NRXN3: variants seen among roughly 807,000 people sequenced by gnomAD.
NRXN3 encodes neurexin III.
Under a neutral mutation model 137.6 loss-of-function variants are expected in NRXN3, and 32 were observed. That is an observed-to-expected ratio of 0.23 (90% CI 0.18 to 0.31). The LOEUF (loss-of-function observed/expected upper bound fraction) is 0.31. Among genes scored for constraint, NRXN3 ranks in the 10% least tolerant of loss-of-function variants. The pLI, the probability that NRXN3 is intolerant of heterozygous loss-of-function variation, is 1.00. For synonymous variants in NRXN3, 798 were observed against 784.5 expected, an observed-to-expected ratio of 1.02 and a Z score of -0.29; for missense variants, 1,574 against 2,062.5, an observed-to-expected ratio of 0.76 and a Z score of 4.59.
At chr14:79,790,774 C>T (rs1005871839) in intron 19 of NRXN3, among the ~76,000 whole-genome samples, 9 of 151,998 alleles carry the variant, frequency 5.9e-5, no homozygotes, top group Admixed American at 3.3e-4. Context: ...ATGCATGCCA[C>T]CACACCTGGC....
At chr14:79,605,834 A>G (rs1337360355) in intron 16 of NRXN3, among the ~76,000 whole-genome samples, 1 of 152,192 alleles carries the variant, frequency 6.6e-6, no homozygotes, top group Non-Finnish European at 1.5e-5. Context: ...CACCCTGCGT[A>G]TGCCAAGACT....
At chr14:78,913,246 T>TTTTCTTTCTTTCTTTC (rs1277509308) in intron 10 of NRXN3, among the ~76,000 whole-genome samples, 4 of 112,978 alleles carry the variant, frequency 3.5e-5, no homozygotes, top group African/African-American at 1.7e-4. Context: ...TTTTCCTTTC[T>TTTTCTTTCTTTCTTTC]TTTCTTTCTT....
chr14:79,193,774 G>A (rs2064752584), intron 15 of NRXN3, among the ~76,000 whole-genome samples: 1 of 152,172 alleles, frequency 6.6e-6, no homozygotes, highest in Non-Finnish European at 1.5e-5. Context: ...AGAGGAATGA[G>A]ATCTCCTACA....
chr14:78,495,460 A>G (rs1209110532), intron 4 of NRXN3, among the ~76,000 whole-genome samples: 4 of 152,304 alleles, frequency 2.6e-5, no homozygotes, highest in African/African-American at 9.6e-5. Flanking sequence ...GAATTGAGGT[A>G]GCATTGGTTG....
In NRXN3 at chr14:79,507,169, C is replaced by T. The variant is rs898238681; in HGVS notation, c.3444+39767C>T. 2.0e-5 allele frequency among the ~76,000 whole-genome samples: 3 copies of T among 152,078 alleles called. No individual in the cohort carries two copies. In the South Asian group the frequency reaches 6.2e-4, roughly 32 times the overall value. ...TTCCTATAGTCCTGGACTTTTAACA[C>T]GGAAGCTAACTTGGAAGGAAAAATG... On this transcript the variant is annotated intron_variant, in intron 16 of 20. Coordinates refer to ENST00000335750, the MANE Select transcript of NRXN3 (RefSeq NM_001330195.2).
chr14:79,775,389 T>C (rs2099093471), intron 19 of NRXN3, among the ~76,000 whole-genome samples: 1 of 152,084 alleles, frequency 6.6e-6, no homozygotes, highest in Admixed American at 6.6e-5. Flanking sequence ...TAGGCATTAC[T>C]GTTCGCAGTC....
chr14:78,458,170 T>C (rs551506094), intron 4 of NRXN3, among the ~76,000 whole-genome samples: 1 of 152,302 alleles, frequency 6.6e-6, no homozygotes, highest in Admixed American at 6.5e-5. Context: ...CAAATCTGCC[T>C]TCTGACCTAG....
intron 16 of NRXN3, among the ~76,000 whole-genome samples, chr14:79,522,187 A>C (rs2153704166): frequency 6.6e-6 from 1 of 152,282 alleles, no homozygotes; most frequent in Middle Eastern, 3.4e-3. Context: ...ACAGGGGAAA[A>C]GGTAGACACA....
At chr14:78,738,507 G>A (rs1312921082) in intron 8 of NRXN3, among the ~76,000 whole-genome samples, 1 of 152,134 alleles carries the variant, frequency 6.6e-6, no homozygotes, top group Non-Finnish European at 1.5e-5. Context: ...GCTCCCATCT[G>A]TGTGTTGCTG....
intron 10 of NRXN3, among the ~76,000 whole-genome samples, chr14:78,931,630 A>G (rs1378122501): frequency 6.6e-6 from 1 of 152,186 alleles, no homozygotes; most frequent in Non-Finnish European, 1.5e-5. Flanking sequence ...TAAAAGGGCA[A>G]AAGTATAACT....
chr14:79,277,484 C>A (rs771587815), intron 15 of NRXN3, among the ~76,000 whole-genome samples: 8 of 152,122 alleles, frequency 5.3e-5, no homozygotes, highest in African/African-American at 1.9e-4. Flanking sequence ...TAGCATAAGA[C>A]CCTAACCATG....
intron 15 of NRXN3, among the ~76,000 whole-genome samples, chr14:79,237,696 A>G (rs1176636506): frequency 2.6e-5 from 4 of 152,132 alleles, no homozygotes; most frequent in Non-Finnish European, 5.9e-5. Flanking sequence ...AAGAGATACA[A>G]CTCATCCACC....
At chr14:79,750,801 C>T (rs2154089480) in intron 19 of NRXN3, among the ~76,000 whole-genome samples, 1 of 152,236 alleles carries the variant, frequency 6.6e-6, no homozygotes, top group Non-Finnish European at 1.5e-5. Flanking sequence ...GTCATTGATA[C>T]TATTTTCTAC....
intron 4 of NRXN3, among the ~76,000 whole-genome samples, chr14:78,380,887 A>G (rs993833705): frequency 6.6e-6 from 1 of 152,070 alleles, no homozygotes; most frequent in Admixed American, 6.5e-5. Flanking sequence ...GCCATGGGAG[A>G]AATGAGACTA....
At chr14:78,335,757 G>A (rs1213878743) in intron 4 of NRXN3, among the ~76,000 whole-genome samples, 1 of 152,064 alleles carries the variant, frequency 6.6e-6, no homozygotes, top group African/African-American at 2.4e-5. Flanking sequence ...TGACAAAAAT[G>A]ACTTCAGAGA....
At chr14:78,425,624 A>G (rs1312675779) in intron 4 of NRXN3, among the ~76,000 whole-genome samples, 3 of 152,160 alleles carry the variant, frequency 2.0e-5, no homozygotes, top group African/African-American at 7.2e-5. Flanking sequence ...GGAGAGTGCT[A>G]GAAACGTTCT....
chr14:79,155,781 G>A (rs537305113), intron 15 of NRXN3, among the ~76,000 whole-genome samples: 1 of 151,776 alleles, frequency 6.6e-6, no homozygotes, highest in South Asian at 2.1e-4. Context: ...AGGAAATAAA[G>A]AGCAAAAGAA....
chr14:79,589,782 T>C (rs1242813369), intron 16 of NRXN3, among the ~76,000 whole-genome samples: 2 of 152,152 alleles, frequency 1.3e-5, no homozygotes, highest in Non-Finnish European at 2.9e-5. Context: ...AAACACCAAA[T>C]TGCTCACTCT....
At chr14:79,226,153 G>A (rs1289310919) in intron 15 of NRXN3, among the ~76,000 whole-genome samples, 14 of 152,066 alleles carry the variant, frequency 9.2e-5, no homozygotes, top group Admixed American at 9.2e-4. Context: ...CTGCAGCTAA[G>A]CAACATGACT....
Sources: allele counts gnomAD v4.1 joint callset (sites outside exome capture counted in the v4.1 genomes callset), GRCh38; gene constraint gnomAD v4.1.1; transcripts MANE v1.5; gene names NCBI Gene and HGNC (gene_info 2026-07-23, HGNC 2026-07-21).